The following WDFY4 variants were observed in gnomAD, a reference collection of about 807,000 sequenced individuals.
WDFY4 encodes WD repeat- and FYVE domain-containing protein 4.
A neutral mutation model predicts 351.9 loss-of-function variants in WDFY4; 169 were observed. That is an observed-to-expected ratio of 0.48 (90% CI 0.42 to 0.55). The LOEUF (loss-of-function observed/expected upper bound fraction) is 0.55. Among genes scored for constraint, WDFY4 ranks in the 20% least tolerant of loss-of-function variants. WDFY4 has a pLI of 0.00. For missense variants in WDFY4, 3,803 were observed against 3,935.6 expected, an observed-to-expected ratio of 0.97 and a Z score of 0.90; for synonymous variants, 1,622 against 1,574.6, an observed-to-expected ratio of 1.03 and a Z score of -0.71.
Position 48,949,714 on chromosome 10 carries a change from G to A in WDFY4, c.7977+2745G>A, listed in dbSNP as rs73298909. Among the ~76,000 whole-genome samples the A allele has an allele frequency of 5.5e-3, 832 of 152,322 alleles. 15 individuals are homozygous for A. The highest frequency in any genetic ancestry group is 0.019 in the African/African-American group (786 of 41,574). ...TGGACATGTAAGAGTCAGCATGGGAGAGCACACGTCTCCATTCTGCTTTGA... is the reference window on the plus strand; with the variant it reads ...TGGACATGTAAGAGTCAGCATGGGAAAGCACACGTCTCCATTCTGCTTTGA... On this transcript the variant is annotated intron_variant, in intron 51 of 61. Coordinates refer to ENST00000325239, the MANE Select transcript of WDFY4 (RefSeq NM_001394531.1).
At chr10:48,698,402 A>G (rs1337976528) in intron 1 of WDFY4, among the ~76,000 whole-genome samples, 1 of 152,142 alleles carries the variant, frequency 6.6e-6, no homozygotes, top group Non-Finnish European at 1.5e-5. Flanking sequence ...CCAGCTTTCT[A>G]GTGGGTGGGC....
intron 35 of WDFY4, 82 bp from the exon 36 acceptor site, chr10:48,826,589 T>C (rs1409448361): frequency 3.6e-6 from 4 of 1,097,110 alleles, no homozygotes; most frequent in Non-Finnish European, 4.0e-6. Flanking sequence ...GATTATACTA[T>C]TTTTGTGGTA....
intron 11 of WDFY4, among the ~76,000 whole-genome samples, chr10:48,740,276 A>T (rs1198000683): frequency 6.6e-6 from 1 of 152,238 alleles, no homozygotes; most frequent in Admixed American, 6.5e-5. Context: ...CGCAGTGAAC[A>T]GCCTTTGGTA....
intron 1 of WDFY4, among the ~76,000 whole-genome samples, chr10:48,704,474 G>A (rs191093111): frequency 8.0e-4 from 122 of 152,230 alleles, no homozygotes; most frequent in African/African-American, 2.8e-3. Flanking sequence ...TGGAGGCTCT[G>A]GGACTCCCTG....
chr10:48,901,931 A>C (rs1055749908), intron 47 of WDFY4, 68 bp downstream of exon 47: 17 of 1,412,334 alleles, frequency 1.2e-5, no homozygotes, highest in Non-Finnish European at 1.6e-5. Context: ...CCTCTGCCTC[A>C]TCCCACTCTA....
chr10:48,692,216 A>G (rs1383836576), intron 1 of WDFY4, among the ~76,000 whole-genome samples: 3 of 152,184 alleles, frequency 2.0e-5, no homozygotes, highest in Non-Finnish European at 4.4e-5. Context: ...TCAAAAGGGG[A>G]AAAGCCCAGG....
chr10:48,701,513 T>C (rs1254414233), intron 1 of WDFY4, among the ~76,000 whole-genome samples: 4 of 152,232 alleles, frequency 2.6e-5, no homozygotes, highest in African/African-American at 9.6e-5. Flanking sequence ...TTTAATTGGA[T>C]GCAAAAGTGG....
intron 47 of WDFY4, among the ~76,000 whole-genome samples, chr10:48,919,371 T>G (rs1034285984): frequency 6.6e-6 from 1 of 152,184 alleles, no homozygotes; most frequent in Non-Finnish European, 1.5e-5. Context: ...CTGTATTTAT[T>G]GAAGAAATGG....
At chr10:48,930,549 A>G (rs568031252) in intron 47 of WDFY4, among the ~76,000 whole-genome samples, 1 of 152,352 alleles carries the variant, frequency 6.6e-6, no homozygotes, top group South Asian at 2.1e-4. Context: ...AGATGAAGCA[A>G]GGAAACGGCT....
At chr10:48,787,922 T>C (rs1037768197) in intron 20 of WDFY4, among the ~76,000 whole-genome samples, 37 of 74,218 alleles carry the variant, frequency 5.0e-4, no homozygotes, top group African/African-American at 1.9e-3. Flanking sequence ...CTTCTTCTTC[T>C]TCTTCTTCTT....
intron 47 of WDFY4, chr10:48,913,580 G>A: frequency 6.2e-7 from 1 of 1,614,102 alleles, no homozygotes; most frequent in Middle Eastern, 1.6e-4. Flanking sequence ...CCAGCCTCCT[G>A]ATGGAGTCTA....
chr10:48,730,887 G>T (rs1401521346), intron 8 of WDFY4, among the ~76,000 whole-genome samples: 1 of 152,138 alleles, frequency 6.6e-6, no homozygotes, highest in African/African-American at 2.4e-5. Context: ...CATGGCACAT[G>T]TCAGTTCAGA....
chr10:48,790,123 A>T, intron 22 of WDFY4, 138 bp downstream of exon 22: 1 of 774,606 alleles, frequency 1.3e-6, no homozygotes, highest in South Asian at 1.6e-5. Context: ...CAGAGTTGGG[A>T]GTGAATCCAG....
intron 1 of WDFY4, among the ~76,000 whole-genome samples, chr10:48,707,322 G>A (rs893601814): frequency 7.9e-5 from 12 of 152,204 alleles, no homozygotes; most frequent in African/African-American, 2.9e-4. Context: ...CTGTGGGGGA[G>A]ATGGCCTGAT....
intron 11 of WDFY4, among the ~76,000 whole-genome samples, chr10:48,738,651 G>A (rs1226515060): frequency 6.6e-6 from 1 of 151,006 alleles, no homozygotes; most frequent in African/African-American, 2.4e-5. Context: ...GGAATCAGAT[G>A]TGAGATCTAC....
intron 35 of WDFY4, 43 bp downstream of exon 35, chr10:48,822,580 G>T (rs760528375): frequency 1.3e-5 from 19 of 1,452,828 alleles, no homozygotes; most frequent in Non-Finnish European, 1.7e-5. Flanking sequence ...GGATCTGAAT[G>T]ATGTGCTCCT....
chr10:48,790,358 A>G (rs1041625152), intron 22 of WDFY4, among the ~76,000 whole-genome samples: 1 of 152,240 alleles, frequency 6.6e-6, no homozygotes, highest in African/African-American at 2.4e-5. Flanking sequence ...AAATTGGTGC[A>G]AGTGCCCTGC....
intron 51 of WDFY4, among the ~76,000 whole-genome samples, chr10:48,948,083 T>C (rs767027504): frequency 6.6e-6 from 1 of 152,190 alleles, no homozygotes; most frequent in Non-Finnish European, 1.5e-5. Context: ...AAGCCAACTC[T>C]GAGCCCTGGG....
intron 47 of WDFY4, chr10:48,932,750 C>A (rs1840095947): frequency 6.6e-6 from 1 of 151,838 alleles, no homozygotes; most frequent in African/African-American, 2.4e-5. Context: ...ACAGAGAATG[C>A]CAAAGTCAGA....
Sources: allele counts gnomAD v4.1 joint callset (sites outside exome capture counted in the v4.1 genomes callset), GRCh38; gene constraint gnomAD v4.1.1; transcripts MANE v1.5; gene names NCBI Gene and HGNC (gene_info 2026-07-23, HGNC 2026-07-21).